ESRRG: variants seen among roughly 807,000 people sequenced by gnomAD.
ESRRG encodes the protein estrogen-related receptor gamma.
Under a neutral mutation model 44.0 loss-of-function variants are expected in ESRRG, and 13 were observed. The observed-to-expected ratio is 0.30, with a 90% CI of 0.19 to 0.47. The LOEUF is 0.47. ESRRG is among the 20% of genes least tolerant of loss of function. The probability of loss-of-function intolerance (pLI) is 1.00; values close to 1 mark genes in which losing one functional copy is unlikely to be tolerated. For synonymous variants in ESRRG, 215 were observed against 214.6 expected (o/e 1.00, Z -0.02); for missense variants, 395 against 580.6 (o/e 0.68, Z 3.29).
intron 1 of ESRRG, among the ~76,000 whole-genome samples, chr1:217,004,690 C>A (rs2077493034): frequency 6.6e-6 from 1 of 152,100 alleles, no homozygotes. Flanking sequence ...ACAGATTGTG[C>A]TGGTTAAGAA....
intron 2 of ESRRG, chr1:216,864,209 T>A (rs774548543): frequency 3.9e-5 from 6 of 152,116 alleles, no homozygotes; most frequent in African/African-American, 1.4e-4. Context: ...TTAACCCAGA[T>A]TGAATCACAG....
chr1:216,877,889 C>T (rs1452655002), intron 2 of ESRRG, among the ~76,000 whole-genome samples: 3 of 152,122 alleles, frequency 2.0e-5, no homozygotes, highest in African/African-American at 4.8e-5. Context: ...GTACACCTAC[C>T]AAGTTCTATG....
intron 2 of ESRRG, among the ~76,000 whole-genome samples, chr1:216,934,940 T>C (rs1198506497): frequency 6.6e-6 from 1 of 152,236 alleles, no homozygotes; most frequent in East Asian, 1.9e-4. Flanking sequence ...GGCCGGTATG[T>C]AGTAAGCACT....
chr1:217,078,116 C>T (rs2091468688), intron 1 of ESRRG: 1 of 152,190 alleles, frequency 6.6e-6, no homozygotes, highest in Non-Finnish European at 1.5e-5. Flanking sequence ...ACTATTGCTG[C>T]CTAAATCATA....
At chr1:216,585,645 T>C (rs2063618491) in intron 3 of ESRRG, among the ~76,000 whole-genome samples, 1 of 152,176 alleles carries the variant, frequency 6.6e-6, no homozygotes. Flanking sequence ...AAAAAATCAT[T>C]ATGACATATT....
intron 1 of ESRRG, among the ~76,000 whole-genome samples, chr1:216,958,970 C>T (rs925981599): frequency 1.3e-5 from 2 of 152,232 alleles, no homozygotes; most frequent in South Asian, 4.1e-4. Flanking sequence ...TCCCTTTATC[C>T]AGTTTTATTT....
Position 217,113,302 on chromosome 1 carries a change from C to T in ESRRG, c.-230+24365G>A, listed in dbSNP as rs1194194362. On this transcript the variant is annotated intron_variant, in intron 1 of 8. Coordinates refer to the ESRRG transcript ENST00000366940. ...GACTGGACCCTAATCAAGGAACTGG[C>T]AACATGTGACTGGCTTGATTTCAGA... Among the ~76,000 whole-genome samples the T allele has an allele frequency of 2.6e-5, 4 of 152,260 alleles. No homozygotes were observed. The South Asian group carries it at 8.3e-4, about 32-fold the overall frequency.
At chr1:217,056,253 C>G (rs1234104654) in intron 1 of ESRRG, among the ~76,000 whole-genome samples, 1 of 152,086 alleles carries the variant, frequency 6.6e-6, no homozygotes, top group African/African-American at 2.4e-5. Context: ...TACTTTAAGA[C>G]ACCAAAAGGA....
At chr1:216,709,407 C>G (rs1575597707) in intron 1 of ESRRG, among the ~76,000 whole-genome samples, 1 of 148,276 alleles carries the variant, frequency 6.7e-6, no homozygotes, top group East Asian at 2.0e-4. Context: ...TATTTCAGAC[C>G]TTTTCCTGGA....
At chr1:216,953,976 A>G (rs2818801) in intron 1 of ESRRG, among the ~76,000 whole-genome samples, 125,845 of 151,880 alleles carry the variant, frequency 0.83, 52,512 homozygotes, top group Middle Eastern at 0.9. Context: ...ATGCAAAATC[A>G]AAAATGGCCC....
chr1:217,089,952 G>A (rs1558248847), upstream of ESRRG, among the ~76,000 whole-genome samples: 1 of 152,218 alleles, frequency 6.6e-6, no homozygotes, highest in South Asian at 2.1e-4. Context: ...GAGGCTGCCA[G>A]GTTCTCCTCG....
chr1:216,674,570 A>G lies in ESRRG; in HGVS notation c.472+2506T>C, dbSNP rs557370727. ...AAGATTAGGATTAAGTATCTCATCT[A>G]CTATGTAAGAGTATGATGTCTTGAG... is the stretch of plus-strand genomic sequence containing the variant. On this transcript the variant is annotated intron_variant, in intron 2 of 6. Transcript: ENST00000408911. Among the ~76,000 whole-genome samples the G allele has an allele frequency of 2.0e-5, 3 of 151,652 alleles. No individual in the cohort carries two copies. In the South Asian group the frequency reaches 6.3e-4, roughly 32 times the overall value.
chr1:216,846,175 A>G (rs1471144234), intron 2 of ESRRG, among the ~76,000 whole-genome samples: 1 of 152,122 alleles, frequency 6.6e-6, no homozygotes, highest in African/African-American at 2.4e-5. Flanking sequence ...TACATGGTCA[A>G]TATCGTACAC....
chr1:216,554,452 CAA>C (rs34202751), intron 5 of ESRRG, among the ~76,000 whole-genome samples: 39,612 of 140,452 alleles, frequency 0.28, 6,541 homozygotes, highest in Admixed American at 0.4. Flanking sequence ...GACTCTGTCT[CAA>C]AAAAAAAAAA....
intron 2 of ESRRG, among the ~76,000 whole-genome samples, chr1:216,917,219 A>G (rs2061307811): frequency 6.7e-6 from 1 of 149,274 alleles, no homozygotes; most frequent in Admixed American, 6.7e-5. Context: ...GAAATCTGCC[A>G]GGTCTACTTA....
intron 3 of ESRRG, among the ~76,000 whole-genome samples, chr1:216,625,447 T>A (rs887238010): frequency 2.0e-5 from 2 of 98,332 alleles, no homozygotes; most frequent in African/African-American, 4.5e-5. Context: ...AAAATCTATA[T>A]TAACACTTGT....
chr1:216,820,424 G>A (rs1455682880), intron 2 of ESRRG, among the ~76,000 whole-genome samples: 1 of 152,164 alleles, frequency 6.6e-6, no homozygotes, highest in Non-Finnish European at 1.5e-5. Flanking sequence ...CAAACATAAT[G>A]TCTTTGACAT....
chr1:216,546,403 T>C (rs1266565763), intron 5 of ESRRG, among the ~76,000 whole-genome samples: 2 of 152,102 alleles, frequency 1.3e-5, no homozygotes, highest in Non-Finnish European at 2.9e-5. Flanking sequence ...GCCTCCTCTA[T>C]TTCCTAAACT....
chr1:216,946,500 G>A (rs1025861436), intron 1 of ESRRG, among the ~76,000 whole-genome samples: 2 of 152,086 alleles, frequency 1.3e-5, no homozygotes, highest in Non-Finnish European at 2.9e-5. Context: ...AAACAGAATG[G>A]AAAGAGCAAA....
Sources: allele counts gnomAD v4.1 joint callset (sites outside exome capture counted in the v4.1 genomes callset), GRCh38; gene constraint gnomAD v4.1.1; transcripts MANE v1.5; gene names NCBI Gene and HGNC (gene_info 2026-07-23, HGNC 2026-07-21).